Variants in DCAF16 observed in about 807,000 individuals in gnomAD.
DCAF16 encodes the protein DDB1- and CUL4-associated factor 16.
A neutral mutation model predicts 17.3 loss-of-function variants in DCAF16; 10 were observed. The ratio of observed to expected loss-of-function variants is 0.58; its 90% CI spans 0.36 to 0.98. The LOEUF (loss-of-function observed/expected upper bound fraction) is 0.98, where lower values mean the gene tolerates loss of function less well. Among genes scored for constraint, DCAF16 ranks in the 50% least tolerant of loss-of-function variants. The pLI, the probability that DCAF16 is intolerant of heterozygous loss-of-function variation, is 0.01. For synonymous variants in DCAF16, 111 were observed against 92.8 expected (o/e 1.20, Z -1.12); for missense variants, 249 against 247.6 (o/e 1.01, Z -0.04).
At chr4:17,809,570 G>A (rs1392151301) in intron 1 of DCAF16, 1 of 152,182 alleles carries the variant, frequency 6.6e-6, no homozygotes. Context: ...AAAGGAGAAA[G>A]ATGTACAGGT....
the DCAF16 span, among the ~76,000 whole-genome samples, chr4:17,795,221 T>C: frequency 6.6e-6 from 1 of 152,250 alleles, no homozygotes; most frequent in African/African-American, 2.4e-5. Flanking sequence ...GCATCCAGTG[T>C]TGCTACCAAG....
chr4:17,806,242 T>C lies in DCAF16; in HGVS notation c.-749-1017A>G, dbSNP rs79049284. Among the ~76,000 whole-genome samples, 261 of 152,330 alleles carry C rather than the reference T, an allele frequency of 1.7e-3. 11 individuals carry two copies. In the East Asian group the frequency reaches 0.045, roughly 27 times the overall value. On this transcript the variant is annotated intron_variant, in intron 1 of 2. Coordinates refer to ENST00000382247, the MANE Select transcript of DCAF16 (RefSeq NM_017741.4). Reference sequence around the variant, plus strand: ...ATTACTCATATAACACTATTTGCCATGTACTACTCTAGTAACTGCACAAAT... The same window carrying C: ...ATTACTCATATAACACTATTTGCCACGTACTACTCTAGTAACTGCACAAAT...
At chr4:17,800,457 G>T (rs893416884), downstream of DCAF16, among the ~76,000 whole-genome samples, 4 of 151,580 alleles carry the variant, frequency 2.6e-5, no homozygotes, top group Admixed American at 6.6e-5. Context: ...AGCTCACTTT[G>T]AATCTTGACT....
rs1719759893 is a variant in DCAF16 at position 17,801,353 on chromosome 4, T to G, written c.*2138A>C. ...CATGTTGGCCAGGCTGGTCACGAAC[T>G]CCTGATCTCAAGTGATCCACCTGCC... On this transcript the variant is annotated 3_prime_UTR_variant, in exon 3 of 3. Coordinates refer to ENST00000382247, the MANE Select transcript of DCAF16 (RefSeq NM_017741.4). The G allele has an allele frequency of 2.0e-5, 3 of 152,184 alleles. No individual in the cohort carries two copies. In the South Asian group the frequency reaches 6.2e-4, roughly 32 times the overall value. 9.4% of individuals were successfully genotyped at this position (152,184 alleles called of 1,614,324 possible).
In DCAF16 at chr4:17,802,125, T is replaced by TAG. The variant is rs1719847719; in HGVS notation, c.*1364_*1365dup. ...TCAAAAAAAAAAAAAAAAAAAAAATTAGAAGGGTTCCTGAAAAGTTTGCAA... is the reference window on the plus strand; with the variant it reads ...TCAAAAAAAAAAAAAAAAAAAAAATTAGAGAAGGGTTCCTGAAAAGTTTGCAA... On this transcript the variant is annotated 3_prime_UTR_variant, in exon 3 of 3. Transcript: ENST00000382247. 1 of 146,446 alleles carries TAG rather than the reference T, an allele frequency of 6.8e-6. No individual in the cohort carries two copies. Among genetic ancestry groups the TAG allele is most frequent in the South Asian group, 2.2e-4 (1 of 4,506 alleles). The allele number at this position is 146,446 out of a possible 1,614,324, so 9.1% of individuals were successfully genotyped here. A position where few individuals can be genotyped will look rare whatever the true frequency, so the allele number is the denominator to read the frequency against.
chr4:17,799,130 T>C (rs1719574374), downstream of DCAF16, among the ~76,000 whole-genome samples: 1 of 152,222 alleles, frequency 6.6e-6, no homozygotes, highest in Non-Finnish European at 1.5e-5. Flanking sequence ...AATTTAAATC[T>C]GGATACAAAA....
intron 1 of DCAF16, among the ~76,000 whole-genome samples, chr4:17,806,561 AGAT>A (rs764281383): frequency 2.6e-5 from 4 of 152,254 alleles, no homozygotes; most frequent in Non-Finnish European, 2.9e-5. Flanking sequence ...TAAACAATAT[AGAT>A]GATAATTTAA....
At chr4:17,797,503 C>CAA (rs541164687), downstream of DCAF16, among the ~76,000 whole-genome samples, 56 of 152,300 alleles carry the variant, frequency 3.7e-4, no homozygotes, top group Admixed American at 6.5e-4. Flanking sequence ...CCATGGGAGT[C>CAA]TACTTAAGTA....
rs71167339 is a variant in DCAF16 at position 17,802,101 on chromosome 4, CAAAAAAAAAA to C, written c.*1380_*1389del. On this transcript the variant is annotated 3_prime_UTR_variant, in exon 3 of 3. Coordinates refer to ENST00000382247, the MANE Select transcript of DCAF16 (RefSeq NM_017741.4). Reference sequence around the variant, plus strand: ...TGGGCGACAGAGCAAGACTCCGTCTCAAAAAAAAAAAAAAAAAAAAAATTAGAAGGGTTCC... The same window carrying C: ...TGGGCGACAGAGCAAGACTCCGTCTCAAAAAAAAAAAATTAGAAGGGTTCC... The C allele has an allele frequency of 1.1e-5, 1 of 91,472 alleles. No homozygotes were observed. The highest frequency in any genetic ancestry group is 3.7e-4 in the South Asian group (1 of 2,690). 5.7% of individuals were successfully genotyped at this position (91,472 alleles called of 1,614,324 possible). A position where few individuals can be genotyped will look rare whatever the true frequency, so the allele number is the denominator to read the frequency against.
Position 17,803,870 on chromosome 4 carries a change from C to T in DCAF16, c.272G>A (p.Arg91Gln), listed in dbSNP as rs748599565. 19 of 1,614,014 alleles carry T rather than the reference C, an allele frequency of 1.2e-5. No homozygotes were observed. Among genetic ancestry groups the T allele is most frequent in the African/African-American group, 2.7e-5 (2 of 74,918 alleles). ...ATGGGAGAGTCTTAGACCTATCTCTCGAAGTATATGGACTGGTGTGCTTGG... is the reference window on the plus strand; with the variant it reads ...ATGGGAGAGTCTTAGACCTATCTCTTGAAGTATATGGACTGGTGTGCTTGG... ...LDPSTPVHIL[R>Q]EIGLRLSHCS... Residue 91 changes from arginine (R) to glutamine (Q), a missense_variant, in exon 3 of 3, where the codon CGA (arginine) becomes CAA (glutamine). Transcript: ENST00000382247.
Position 17,803,520 on chromosome 4 carries a change from C to T in DCAF16, c.622G>A (p.Val208Ile). Residue 208 changes from valine to isoleucine, a missense_variant, in exon 3 of 3, where the codon GTT (valine) becomes ATT (isoleucine). Coordinates refer to ENST00000382247, the MANE Select transcript of DCAF16 (RefSeq NM_017741.4). ...AGTGATGCAGTTAGGAGTTTGTTAA[C>T]TGCCTTTTGGAAGTCAGTGTAAGAA... The part of the protein sequence containing the change: ...TYSYTDFQKA[V>I]NKLLTASL The T allele has an allele frequency of 6.8e-6, 11 of 1,614,062 alleles. No individual in the cohort carries two copies. The highest frequency in any genetic ancestry group is 9.3e-6 in the Non-Finnish European group (11 of 1,179,918).
downstream of DCAF16, among the ~76,000 whole-genome samples, chr4:17,797,462 G>T (rs543884907): frequency 5.8e-4 from 88 of 152,320 alleles, no homozygotes; most frequent in Non-Finnish European, 9.9e-4. Flanking sequence ...ATTCAAAGAA[G>T]GAAACTGGGG....
Position 17,804,166 on chromosome 4 carries a change from AG to A in DCAF16, c.-26del. 6.3e-7 allele frequency: 1 copy of A among 1,585,354 alleles called. No homozygotes were observed. Among genetic ancestry groups the A allele is most frequent in the Non-Finnish European group, 8.6e-7 (1 of 1,165,270 alleles). ...TCAGAATAAAACACAGTAAGGAACCAGAAAAAGGTAATAATCTAAGCCAGCA... is the reference window on the plus strand; with the variant it reads ...TCAGAATAAAACACAGTAAGGAACCAAAAAAGGTAATAATCTAAGCCAGCA... On this transcript the variant is annotated 5_prime_UTR_variant, in exon 3 of 3. Transcript: ENST00000382247.
intron 1 of DCAF16, among the ~76,000 whole-genome samples, chr4:17,809,846 T>G (rs1296888559): frequency 6.6e-6 from 1 of 152,118 alleles, no homozygotes; most frequent in African/African-American, 2.4e-5. Context: ...CACAAAGTTG[T>G]GGAAAGGTGA....
At chr4:17,797,806 T>C (rs542249728), downstream of DCAF16, among the ~76,000 whole-genome samples, 54 of 152,268 alleles carry the variant, frequency 3.5e-4, no homozygotes, top group African/African-American at 1.3e-3. Flanking sequence ...CCCCTACTGG[T>C]CCATTGCTTA....
downstream of DCAF16, among the ~76,000 whole-genome samples, chr4:17,797,758 G>T (rs1389664386): frequency 6.6e-6 from 1 of 152,088 alleles, no homozygotes; most frequent in African/African-American, 2.4e-5. Flanking sequence ...CATGCCCTTG[G>T]GCTGTTCCAC....
At chr4:17,798,719 G>T (rs1719549771), downstream of DCAF16, among the ~76,000 whole-genome samples, 2 of 152,204 alleles carry the variant, frequency 1.3e-5, no homozygotes, top group Non-Finnish European at 2.9e-5. Flanking sequence ...GGTCACTGTG[G>T]TATATCCTCA....
chr4:17,803,388 A>C lies in DCAF16; in HGVS notation c.*103T>G. On this transcript the variant is annotated 3_prime_UTR_variant, in exon 3 of 3. Transcript: ENST00000382247. ...TATCCTCATTGGCTTGCCAGGGCAT[A>C]AGAGAGTTTGACTGAGAAGGCATTA... The C allele has an allele frequency of 8.9e-7, 1 of 1,123,552 alleles. No homozygotes were observed. The highest frequency in any genetic ancestry group is 1.3e-6 in the Non-Finnish European group (1 of 763,954). The allele number at this position is 1,123,552 out of a possible 1,614,324, so 69.6% of individuals were successfully genotyped here.
In DCAF16 at chr4:17,803,716, A is replaced by T; in HGVS notation, c.426T>A (p.Asn142Lys). 6.2e-7 allele frequency: 1 copy of T among 1,614,172 alleles called. No homozygotes were observed. The highest frequency in any genetic ancestry group is 8.5e-7 in the Non-Finnish European group (1 of 1,180,032). The change falls in exon 3 of 3, where the codon AAT becomes AAA. Residue 142 changes from asparagine to lysine, a missense_variant. Asn to Lys is a moderately conservative substitution (Grantham distance 94). Coordinates refer to ENST00000382247, the MANE Select transcript of DCAF16 (RefSeq NM_017741.4). ...GTTTGGTGGCAAATTGCAGTGCTCC[A>T]TTTAGAGTGGCATGATCTCTAGAGA... is the stretch of plus-strand genomic sequence containing the variant. ...SRLSRDHATL[N>K]GALQFATKQL...
Sources: allele counts gnomAD v4.1 joint callset (sites outside exome capture counted in the v4.1 genomes callset), GRCh38; gene constraint gnomAD v4.1.1; transcripts MANE v1.5; gene names NCBI Gene and HGNC (gene_info 2026-07-23, HGNC 2026-07-21).